Variants in LILRB3 observed in about 807,000 individuals in gnomAD.
The protein encoded by LILRB3 is leukocyte immunoglobulin like receptor B3, also known as leukocyte immunoglobulin-like receptor subfamily B member 3.
In LILRB3, 32 loss-of-function variants were observed where a neutral mutation model predicts 68.2. That is an observed-to-expected ratio of 0.47 (90% confidence interval 0.35 to 0.63). The LOEUF (loss-of-function observed/expected upper bound fraction) is 0.63, where lower values mean the gene tolerates loss of function less well. Among genes scored for constraint, LILRB3 ranks in the 30% least tolerant of loss-of-function variants. LILRB3 has a pLI of 0.00. For synonymous variants in LILRB3, 185 were observed against 323.1 expected, an observed-to-expected ratio of 0.57 and a Z score of 4.58; for missense variants, 502 against 791.3, an observed-to-expected ratio of 0.63 and a Z score of 4.39.
intron 3 of LILRB3, 66 bp from the exon 4 acceptor site, chr19:54,222,196 C>A: frequency 6.2e-7 from 1 of 1,611,278 alleles, no homozygotes; most frequent in South Asian, 1.1e-5. Context: ...CAGGGCTGGG[C>A]TGTGAGAGGG....
At chr19:54,219,050 C>T in intron 8 of LILRB3, 79 bp downstream of exon 8, 1 of 1,538,664 alleles carries the variant, frequency 6.5e-7, no homozygotes, top group African/African-American at 1.4e-5. Context: ...ACTGACACCC[C>T]TGTGTGTTTG....
chr19:54,219,072 G>A (rs924845857), intron 8 of LILRB3, 57 bp downstream of exon 8: 7 of 1,545,294 alleles, frequency 4.5e-6, no homozygotes, highest in Non-Finnish European at 6.1e-6. Flanking sequence ...GTTCCCTCTG[G>A]CTGGTGCCCT....
At chr19:54,219,881 C>G (rs11673281) in intron 7 of LILRB3, 38,639 of 1,549,420 alleles carry the variant, frequency 0.025, 1,117 homozygotes, top group African/African-American at 0.14. Context: ...TTCTGAGGGC[C>G]TGACCCTGGG....
rs372461563 is a variant in LILRB3 at position 54,217,247 on chromosome 19, G to C, written c.1750-8C>G. The C allele has an allele frequency of 2.5e-6, 4 of 1,610,428 alleles. No homozygotes were observed. The highest frequency in any genetic ancestry group is 3.4e-6 in the Non-Finnish European group (4 of 1,179,588). On this transcript the variant is annotated splice_region_variant and splice_polypyrimidine_tract_variant and intron_variant, in intron 12 of 12. Transcript: ENST00000445347. ...GGCTTCAGATGCAGCAGCCTGCAGCGGGGGAGAGTGAGAGGTAAGGAACGT... is the reference window on the plus strand; with the variant it reads ...GGCTTCAGATGCAGCAGCCTGCAGCCGGGGAGAGTGAGAGGTAAGGAACGT...
At chr19:54,220,187 C>T in exon 7 of LILRB3, 1 of 1,486,956 alleles carries the variant, frequency 6.7e-7, no homozygotes, top group South Asian at 1.2e-5. Context: ...GGGTGGGAGG[C>T]TGGAGCCTCC....
exon 1 of LILRB3, chr19:54,222,984 C>T (rs1364524132): frequency 1.2e-6 from 2 of 1,612,398 alleles, no homozygotes; most frequent in Non-Finnish European, 8.5e-7. Context: ...CATGGCGTCT[C>T]CTCCCGGTGA....
chr19:54,219,657 C>A (rs2077886038), intron 7 of LILRB3: 11 of 1,482,754 alleles, frequency 7.4e-6, no homozygotes, highest in Non-Finnish European at 9.9e-6. Flanking sequence ...CCCTGGGAGG[C>A]CTCCTCTCCC....
At chr19:54,216,933 T>C in exon 13 of LILRB3, 4 of 1,465,598 alleles carry the variant, frequency 2.7e-6, no homozygotes, top group South Asian at 1.4e-5. Context: ...TTAGTCATCT[T>C]TGAGTCAGGT....
At chr19:54,216,872 A>C in exon 13 of LILRB3, 1 of 1,426,550 alleles carries the variant, frequency 7.0e-7, no homozygotes, top group Non-Finnish European at 9.2e-7. Context: ...TTTGTTATTA[A>C]CTCATTGATT....
In LILRB3 at chr19:54,220,488, G is replaced by C. The variant is rs1167452922; in HGVS notation, c.1258+40C>G. 2.8e-5 allele frequency: 36 copies of C among 1,288,802 alleles called. 1 individual carries two copies. The African/African-American group carries it at 5.8e-4, about 21-fold the overall frequency. 79.8% of individuals were successfully genotyped at this position (1,288,802 alleles called of 1,614,324 possible). ...TCTCCTGGGGGCCTGGGCCGGAGCT[G>C]AGCCTTTGAGCTCAGAGAGGACGGG... On this transcript the variant is annotated intron_variant, in intron 6 of 12. Coordinates refer to ENST00000445347, the Ensembl canonical transcript of LILRB3.
chr19:54,219,503 C>T (rs1440317522), intron 7 of LILRB3: 1 of 1,550,442 alleles, frequency 6.4e-7, no homozygotes, highest in Admixed American at 2.0e-5. Context: ...GCCCTTGTTC[C>T]TGCACCAGAG....
At position 54,220,468 on chromosome 19, in the gene LILRB3, T is replaced by C; in HGVS notation, c.1258+60A>G. On this transcript the variant is annotated intron_variant, in intron 6 of 12. Coordinates refer to ENST00000445347, the Ensembl canonical transcript of LILRB3. Reference sequence around the variant, plus strand: ...GGTCCATCCCAGCCGAGAGCTCTCCTGGGGGCCTGGGCCGGAGCTGAGCCT... The same window carrying C: ...GGTCCATCCCAGCCGAGAGCTCTCCCGGGGGCCTGGGCCGGAGCTGAGCCT... 5.6e-6 allele frequency: 7 copies of C among 1,259,226 alleles called. 2 individuals are homozygous for C. The highest frequency in any genetic ancestry group is 7.6e-6 in the Non-Finnish European group (7 of 922,788). The allele number at this position is 1,259,226 out of a possible 1,614,324, so 78.0% of individuals were successfully genotyped here. A position where few individuals can be genotyped will look rare whatever the true frequency, so the allele number is the denominator to read the frequency against.
At chr19:54,218,931 T>A (rs142991285) in intron 8 of LILRB3, 93 bp from the exon 9 acceptor site, 1 of 1,587,460 alleles carries the variant, frequency 6.3e-7, no homozygotes, top group South Asian at 1.1e-5. Context: ...ACTAAAAATA[T>A]TCCTGCATGG....
rs1353721097 is a variant in LILRB3, at chr19:54,217,779, C to T, written c.1594-305G>A. ...GGCTCGTCCATCAGAGGATCATGTG[C>T]CCCACTCTGTCCAGGCTTCTCAGAT... On this transcript the variant is annotated intron_variant, in intron 11 of 12. Coordinates refer to ENST00000445347, the Ensembl canonical transcript of LILRB3. 3 of 584,962 alleles carry T rather than the reference C, an allele frequency of 5.1e-6. No homozygotes were observed. In the Admixed American group the frequency reaches 9.1e-5, roughly 18 times the overall value. 36.2% of individuals were successfully genotyped at this position (584,962 alleles called of 1,614,324 possible). A position where few individuals can be genotyped will look rare whatever the true frequency, so the allele number is the denominator to read the frequency against.
exon 1 of LILRB3, chr19:54,222,994 A>G: frequency 6.2e-7 from 1 of 1,612,308 alleles, no homozygotes; most frequent in Non-Finnish European, 8.5e-7. Flanking sequence ...CCTCCCGGTG[A>G]CCCCGCGCTC....
rs1341322280 is a variant in LILRB3, at chr19:54,220,798, G to C, written c.988C>G (p.Gln330Glu). Residue 330 changes from glutamine (Q) to glutamate (E), a missense_variant, in exon 6 of 13, where the codon CAG (glutamine) becomes GAG (glutamate). Physicochemically the swap from Gln to Glu is conservative, Grantham distance 29. This residue lies in a region of LILRB3 where 77 missense variants were observed against 152.8 expected (regional missense o/e 0.50). Transcript: ENST00000445347. ...CCTGAGGCCACTGTGGGGCCCGGCTGTGCTGACAGGGAGACGGTGTCATAG... is the reference window on the plus strand; with the variant it reads ...CCTGAGGCCACTGTGGGGCCCGGCTCTGCTGACAGGGAGACGGTGTCATAG... The C allele has an allele frequency of 2.0e-6, 3 of 1,500,050 alleles. 1 individual carries two copies. Among genetic ancestry groups the C allele is most frequent in the African/African-American group, 3.3e-5 (2 of 61,366 alleles). The allele number at this position is 1,500,050 out of a possible 1,614,324, so 92.9% of individuals were successfully genotyped here. A position where few individuals can be genotyped will look rare whatever the true frequency, so the allele number is the denominator to read the frequency against.
chr19:54,222,640 C>A, intron 2 of LILRB3, 78 bp from the exon 3 acceptor site: 1 of 1,611,964 alleles, frequency 6.2e-7, no homozygotes, highest in Admixed American at 1.7e-5. Flanking sequence ...ACTTCCCCAT[C>A]ATCCCCATCA....
chr19:54,218,210 T>A (rs1029717782), intron 11 of LILRB3, 151 bp downstream of exon 11: 21 of 1,078,330 alleles, frequency 1.9e-5, no homozygotes, highest in Non-Finnish European at 1.9e-5. Flanking sequence ...CAGAAGAGAG[T>A]GAGGTCACAG....
exon 9 of LILRB3, chr19:54,218,798 C>T (rs377357331): frequency 4.3e-5 from 69 of 1,614,078 alleles, no homozygotes; most frequent in South Asian, 2.9e-4. Flanking sequence ...GCTCTGTCTC[C>T]GCAGCCCCTG....
Sources: gnomAD v4.1 joint callset for allele counts on GRCh38, gnomAD v4.1.1 for gene constraint, gnomAD v4.1.1 regional missense constraint, MANE v1.5 for transcripts, NCBI Gene and HGNC (gene_info 2026-07-23, HGNC 2026-07-21) for gene names.